GALNT13: variants seen among roughly 807,000 people sequenced by gnomAD.
GALNT13 encodes the protein polypeptide N-acetylgalactosaminyltransferase 13, also known as UDP-GalNAc:polypeptide N-acetylgalactosaminyltransferase 13.
Under a neutral mutation model 64.2 loss-of-function variants are expected in GALNT13, and 28 were observed. The observed-to-expected ratio is 0.44, with a 90% CI of 0.32 to 0.60. GALNT13 has a LOEUF of 0.60. Among genes scored for constraint, GALNT13 ranks in the 20% least tolerant of loss-of-function variants. The pLI is 0.05. For synonymous variants in GALNT13, 214 were observed against 224.6 expected, an observed-to-expected ratio of 0.95 and a Z score of 0.42; for missense variants, 577 against 669.8, an observed-to-expected ratio of 0.86 and a Z score of 1.53.
the GALNT13 span, among the ~76,000 whole-genome samples, chr2:153,450,486 T>C: frequency 1.3e-5 from 2 of 152,174 alleles, no homozygotes; most frequent in African/African-American, 4.8e-5. Flanking sequence ...ACTGACTGCT[T>C]CAGTAAAATC....
chr2:153,372,066 C>T, the GALNT13 span, among the ~76,000 whole-genome samples: 2 of 152,026 alleles, frequency 1.3e-5, no homozygotes, highest in African/African-American at 4.8e-5. Flanking sequence ...TGAAACATGC[C>T]CAGTTGTCAA....
chr2:153,383,285 A>G, the GALNT13 span, among the ~76,000 whole-genome samples: 1 of 152,086 alleles, frequency 6.6e-6, no homozygotes, highest in Non-Finnish European at 1.5e-5. Flanking sequence ...ATTGCTAAGG[A>G]AACCAGTTTC....
chr2:153,306,694 T>G, the GALNT13 span, among the ~76,000 whole-genome samples: 57 of 152,338 alleles, frequency 3.7e-4, no homozygotes, highest in Middle Eastern at 3.4e-3. Context: ...AATAATTCTT[T>G]TGAAAAATAG....
chr2:154,315,064 A>G (rs1041234683), intron 9 of GALNT13, among the ~76,000 whole-genome samples: 9 of 152,146 alleles, frequency 5.9e-5, no homozygotes, highest in African/African-American at 2.2e-4. Context: ...CCAAATAATA[A>G]TATAAGATGG....
chr2:154,176,640 T>C (rs1483184846), intron 4 of GALNT13, among the ~76,000 whole-genome samples: 3 of 152,164 alleles, frequency 2.0e-5, no homozygotes, highest in Non-Finnish European at 4.4e-5. Context: ...TTATGGTACA[T>C]ATTTATTATG....
intron 3 of GALNT13, among the ~76,000 whole-genome samples, chr2:154,140,099 A>G (rs1683172116): frequency 6.6e-6 from 1 of 152,244 alleles, no homozygotes; most frequent in Non-Finnish European, 1.5e-5. Context: ...TACATTTAGA[A>G]TTATTGTCTT....
At chr2:154,171,971 TAC>T (rs57343446) in intron 4 of GALNT13, among the ~76,000 whole-genome samples, 13,693 of 143,912 alleles carry the variant, frequency 0.095, 769 homozygotes, top group South Asian at 0.18. Flanking sequence ...TTCTTTCTCA[TAC>T]ACACACACAC....
chr2:153,940,594 T>C (rs901530721), intron 2 of GALNT13, among the ~76,000 whole-genome samples: 5 of 152,146 alleles, frequency 3.3e-5, no homozygotes, highest in African/African-American at 1.2e-4. Flanking sequence ...TCTGTTTTCC[T>C]ATCAGTTAGA....
At chr2:153,082,945 C>T in the GALNT13 span, among the ~76,000 whole-genome samples, 2 of 151,712 alleles carry the variant, frequency 1.3e-5, no homozygotes, top group East Asian at 1.9e-4. Context: ...TCTCCTGCCT[C>T]AGCCTCCCAA....
At chr2:153,435,026 C>T in the GALNT13 span, among the ~76,000 whole-genome samples, 3 of 152,118 alleles carry the variant, frequency 2.0e-5, no homozygotes, top group Admixed American at 2.0e-4. Context: ...AGGAAGGGAT[C>T]CAGTTTCAGC....
At chr2:154,343,098 G>A (rs1008178015) in intron 9 of GALNT13, among the ~76,000 whole-genome samples, 6 of 151,804 alleles carry the variant, frequency 4.0e-5, no homozygotes, top group East Asian at 1.9e-4. Flanking sequence ...TTTACATCTG[G>A]GATCTCTTTT....
chr2:153,762,338 T>G, the GALNT13 span: 1 of 152,234 alleles, frequency 6.6e-6, no homozygotes, highest in Non-Finnish European at 1.5e-5. Context: ...ACAACAATGT[T>G]ACTCCTCTTT....
At chr2:153,098,732 A>G in the GALNT13 span, among the ~76,000 whole-genome samples, 1 of 152,220 alleles carries the variant, frequency 6.6e-6, no homozygotes, top group Admixed American at 6.5e-5. Flanking sequence ...GCTATTTTAA[A>G]TATCCTGAAC....
chr2:153,664,488 A>AT, the GALNT13 span, among the ~76,000 whole-genome samples: 1 of 152,288 alleles, frequency 6.6e-6, no homozygotes, highest in East Asian at 1.9e-4. Context: ...TTTACAAACA[A>AT]TTTGTGCAGT....
intron 3 of GALNT13, among the ~76,000 whole-genome samples, chr2:154,024,229 T>C (rs1011966555): frequency 5.3e-5 from 8 of 152,166 alleles, no homozygotes; most frequent in Admixed American, 2.0e-4. Flanking sequence ...TTCCTGAATC[T>C]GAATGTTGGC....
chr2:153,184,261 G>C, the GALNT13 span, among the ~76,000 whole-genome samples: 12 of 152,108 alleles, frequency 7.9e-5, no homozygotes, highest in Admixed American at 5.2e-4. Context: ...TTCATGATTT[G>C]GTTCTCGGCT....
At chr2:153,764,539 A>G in the GALNT13 span, among the ~76,000 whole-genome samples, 1 of 152,204 alleles carries the variant, frequency 6.6e-6, no homozygotes, top group South Asian at 2.1e-4. Flanking sequence ...TCCATCTCAA[A>G]AAAAAAGCAG....
chr2:153,787,133 G>C, the GALNT13 span, among the ~76,000 whole-genome samples: 1 of 152,096 alleles, frequency 6.6e-6, no homozygotes, highest in African/African-American at 2.4e-5. Context: ...GAGATATGAT[G>C]GGAAGCCCAG....
chr2:153,464,510 C>G, the GALNT13 span, among the ~76,000 whole-genome samples: 1 of 152,012 alleles, frequency 6.6e-6, no homozygotes, highest in African/African-American at 2.4e-5. Context: ...TTCTTCCGGG[C>G]TATGTTTAAT....
Sources: gnomAD v4.1 joint callset for allele counts (sites outside exome capture counted in the v4.1 genomes callset) on GRCh38, gnomAD v4.1.1 for gene constraint, MANE v1.5 for transcripts, NCBI Gene and HGNC (gene_info 2026-07-23, HGNC 2026-07-21) for gene names.